Variants in C1QTNF3 observed in about 807,000 individuals in gnomAD.
C1QTNF3 encodes complement C1q tumor necrosis factor-related protein 3.
Under a neutral mutation model 32.6 loss-of-function variants are expected in C1QTNF3, and 26 were observed. The observed-to-expected ratio is 0.80, with a 90% CI of 0.58 to 1.11. The LOEUF (loss-of-function observed/expected upper bound fraction) is 1.11. Ranked by LOEUF, C1QTNF3 falls within the 50% of genes least tolerant of loss-of-function variation. The pLI is 0.00. For missense variants in C1QTNF3, 362 were observed against 398.2 expected, an observed-to-expected ratio of 0.91 and a Z score of 0.77; for synonymous variants, 155 against 146.0, an observed-to-expected ratio of 1.06 and a Z score of -0.44.
At chr5:34,063,504 G>A in the C1QTNF3 span, among the ~76,000 whole-genome samples, 1 of 151,906 alleles carries the variant, frequency 6.6e-6, no homozygotes, top group Admixed American at 6.6e-5. Flanking sequence ...GCCAAGGCTT[G>A]GAGATTGTAC....
the C1QTNF3 span, among the ~76,000 whole-genome samples, chr5:34,169,859 A>C: frequency 6.6e-6 from 1 of 152,138 alleles, no homozygotes; most frequent in African/African-American, 2.4e-5. Flanking sequence ...GCAACTAAGA[A>C]AACAGTATGG....
chr5:34,158,972 A>G, the C1QTNF3 span, among the ~76,000 whole-genome samples: 5 of 152,130 alleles, frequency 3.3e-5, no homozygotes, highest in Non-Finnish European at 7.4e-5. Context: ...TCATATATAT[A>G]TATTTATAAA....
chr5:34,204,909 TTAAAAATTAATTAAAAGGTTGTA>T, the C1QTNF3 span, among the ~76,000 whole-genome samples: 1 of 131,358 alleles, frequency 7.6e-6, no homozygotes, highest in African/African-American at 2.9e-5. Flanking sequence ...ATATTTTTAA[TTAAAAATTAATTAAAAGGTTGTA>T]GAATCTCAGG....
Position 34,029,087 on chromosome 5 carries a change from C to T in C1QTNF3, c.571-204G>A, listed in dbSNP as rs767211583. On this transcript the variant is annotated intron_variant, in intron 3 of 5. Coordinates refer to ENST00000382065, the MANE Select transcript of C1QTNF3 (RefSeq NM_181435.6). The stretch of plus-strand genomic sequence containing the variant: ...AGATTGACAATGTCTATCAACAGTT[C>T]TGAACATAGGTTTCAAAGATTATTT... 203 of 369,820 alleles carry T rather than the reference C, an allele frequency of 5.5e-4. 1 individual carries two copies. Among genetic ancestry groups the T allele is most frequent in the Non-Finnish European group, 4.8e-4 (99 of 208,002 alleles). 22.9% of individuals were successfully genotyped at this position (369,820 alleles called of 1,614,324 possible). A position where few individuals can be genotyped will look rare whatever the true frequency, so the allele number is the denominator to read the frequency against.
the C1QTNF3 span, among the ~76,000 whole-genome samples, chr5:34,142,887 C>T: frequency 6.6e-6 from 1 of 152,230 alleles, no homozygotes; most frequent in Non-Finnish European, 1.5e-5. Context: ...TGTGTACTTA[C>T]TTCCAAAGGA....
At chr5:34,212,411 C>A in the C1QTNF3 span, among the ~76,000 whole-genome samples, 16 of 151,950 alleles carry the variant, frequency 1.1e-4, no homozygotes, top group Admixed American at 2.6e-4. Context: ...AATGGGATCT[C>A]ATTAAACTAA....
chr5:34,120,793 T>C, the C1QTNF3 span, among the ~76,000 whole-genome samples: 1 of 152,044 alleles, frequency 6.6e-6, no homozygotes, highest in South Asian at 2.1e-4. Flanking sequence ...ATGAAACCTC[T>C]TTCTTTTGTA....
chr5:34,122,127 T>C, the C1QTNF3 span, among the ~76,000 whole-genome samples: 2 of 152,208 alleles, frequency 1.3e-5, no homozygotes, highest in African/African-American at 4.8e-5. Context: ...CTATAACATA[T>C]ACCTAAACAT....
the C1QTNF3 span, among the ~76,000 whole-genome samples, chr5:34,088,956 CCTT>C: frequency 1.3e-5 from 2 of 151,748 alleles, no homozygotes; most frequent in Non-Finnish European, 2.9e-5. Context: ...TTGATAACCT[CCTT>C]GTTCATTCTG....
At chr5:34,225,621 C>T in the C1QTNF3 span, among the ~76,000 whole-genome samples, 8 of 151,902 alleles carry the variant, frequency 5.3e-5, no homozygotes, top group Non-Finnish European at 1.0e-4. Flanking sequence ...TTTCCTTGAT[C>T]CATTTCACCT....
the C1QTNF3 span, among the ~76,000 whole-genome samples, chr5:34,213,804 TA>T: frequency 0.027 from 95 of 3,532 alleles, 7 homozygotes; most frequent in East Asian, 0.069. Context: ...TATATATATA[TA>T]TATATTTTTT....
chr5:34,240,740 A>C, the C1QTNF3 span, among the ~76,000 whole-genome samples: 1 of 152,206 alleles, frequency 6.6e-6, no homozygotes, highest in Non-Finnish European at 1.5e-5. Context: ...GAAAAGTTGA[A>C]GAGAACGTAC....
intron 3 of C1QTNF3, among the ~76,000 whole-genome samples, chr5:34,031,649 A>G (rs1455765286): frequency 6.6e-6 from 1 of 152,168 alleles, no homozygotes; most frequent in African/African-American, 2.4e-5. Context: ...CCTGGCCAAC[A>G]TAGAGAAATG....
chr5:34,223,672 C>T, the C1QTNF3 span, among the ~76,000 whole-genome samples: 18 of 152,110 alleles, frequency 1.2e-4, no homozygotes, highest in African/African-American at 3.4e-4. Flanking sequence ...CACATCCTCT[C>T]CAGCACCTGT....
At chr5:34,205,502 G>A in the C1QTNF3 span, among the ~76,000 whole-genome samples, 2 of 152,166 alleles carry the variant, frequency 1.3e-5, no homozygotes, top group African/African-American at 2.4e-5. Flanking sequence ...GTTTAAAAGT[G>A]TGTAGCATCT....
At chr5:34,034,094 G>A (rs964424322) in intron 2 of C1QTNF3, among the ~76,000 whole-genome samples, 15 of 152,236 alleles carry the variant, frequency 9.9e-5, no homozygotes, top group East Asian at 3.8e-4. Context: ...TTGAGCCTAA[G>A]AGGCCAAGGC....
At chr5:34,077,626 T>A in the C1QTNF3 span, among the ~76,000 whole-genome samples, 3 of 151,572 alleles carry the variant, frequency 2.0e-5, no homozygotes, top group African/African-American at 4.9e-5. Context: ...ATATAAACAA[T>A]AGAAAAATAA....
the C1QTNF3 span, among the ~76,000 whole-genome samples, chr5:34,099,321 T>A: frequency 6.6e-6 from 1 of 152,186 alleles, no homozygotes; most frequent in East Asian, 1.9e-4. Flanking sequence ...TTAGTTAATG[T>A]GAAATATATA....
At chr5:34,203,910 T>C in the C1QTNF3 span, among the ~76,000 whole-genome samples, 5 of 151,588 alleles carry the variant, frequency 3.3e-5, no homozygotes. Flanking sequence ...TCTAAAACAG[T>C]ATAACAATGA....
Sources: gnomAD v4.1 joint callset for allele counts (sites outside exome capture counted in the v4.1 genomes callset) on GRCh38, gnomAD v4.1.1 for gene constraint, MANE v1.5 for transcripts, NCBI Gene and HGNC (gene_info 2026-07-23, HGNC 2026-07-21) for gene names.